The following ATF7IP2 variants were observed in gnomAD, a reference collection of about 807,000 sequenced individuals.
ATF7IP2 encodes the protein activating transcription factor 7 interacting protein 2, also known as activating transcription factor 7-interacting protein 2.
ATF7IP2 carries 42 observed loss-of-function variants against 64.2 expected under a neutral mutation model. The observed-to-expected ratio is 0.65, with a 90% CI of 0.51 to 0.85. The LOEUF (loss-of-function observed/expected upper bound fraction) is 0.85. ATF7IP2 is among the 40% of genes least tolerant of loss of function. The pLI is 0.00. For missense variants in ATF7IP2, 933 were observed against 784.2 expected, an observed-to-expected ratio of 1.19 and a Z score of -2.27; for synonymous variants, 308 against 272.8, an observed-to-expected ratio of 1.13 and a Z score of -1.27.
At chr16:10,389,009 C>CAAA (rs777578652) in intron 1 of ATF7IP2, among the ~76,000 whole-genome samples, 2 of 118,562 alleles carry the variant, frequency 1.7e-5, no homozygotes, top group African/African-American at 6.2e-5. Context: ...AAGACTGTCT[C>CAAA]AAAAAAAAAA....
chr16:10,426,484 AC>A (rs1279456345), intron 3 of ATF7IP2, among the ~76,000 whole-genome samples: 4 of 152,218 alleles, frequency 2.6e-5, no homozygotes, highest in African/African-American at 9.7e-5. Flanking sequence ...CGGAAGTTTA[AC>A]CAGTTATGAA....
chr16:10,394,199 G>A (rs1244144964), intron 1 of ATF7IP2, among the ~76,000 whole-genome samples: 1 of 152,126 alleles, frequency 6.6e-6, no homozygotes, highest in Non-Finnish European at 1.5e-5. Flanking sequence ...AAGGATAGAT[G>A]AAGATACAAC....
rs143570957 is a variant in ATF7IP2, at chr16:10,460,257, G to C, written c.1352+2728G>C. 4.1e-3 allele frequency among the ~76,000 whole-genome samples: 619 copies of C among 152,194 alleles called. 3 individuals are homozygous for C. The highest frequency in any genetic ancestry group is 0.014 in the African/African-American group (590 of 41,546). ...ACAATAGCTGAAGAAAATGTAAAAC[G>C]TTAGATATTAAAGAAAAATCAATTA... On this transcript the variant is annotated intron_variant, in intron 9 of 13. Coordinates refer to ENST00000562102, the MANE Select transcript of ATF7IP2 (RefSeq NM_001393719.1).
chr16:10,438,239 A>G lies in ATF7IP2; in HGVS notation c.1095+4A>G. The G allele has an allele frequency of 6.3e-7, 1 of 1,593,842 alleles. No homozygotes were observed. The highest frequency in any genetic ancestry group is 1.4e-5 in the African/African-American group (1 of 73,614). ...AGGAATAGCTGATAAACTTTTGGTA[A>G]GTTTTGATTTCATTTGAGTCTTTTT... On this transcript the variant is annotated splice_donor_region_variant and intron_variant, in intron 7 of 13. Coordinates refer to ENST00000562102, the MANE Select transcript of ATF7IP2 (RefSeq NM_001393719.1).
intron 1 of ATF7IP2, among the ~76,000 whole-genome samples, chr16:10,408,361 TG>T (rs2141800932): frequency 6.6e-6 from 1 of 152,342 alleles, no homozygotes; most frequent in African/African-American, 2.4e-5. Flanking sequence ...TACCCAATAG[TG>T]GGATTGCCGG....
intron 5 of ATF7IP2, among the ~76,000 whole-genome samples, chr16:10,432,059 G>A (rs1006286386): frequency 3.5e-5 from 5 of 144,388 alleles, no homozygotes; most frequent in Non-Finnish European, 6.0e-5. Flanking sequence ...TGCTGGTCTC[G>A]AACTCCTGAC....
chr16:10,474,155 T>G (rs894261698), intron 12 of ATF7IP2, among the ~76,000 whole-genome samples, 166 bp downstream of exon 12: 13 of 152,204 alleles, frequency 8.5e-5, no homozygotes. Context: ...GCCGTCACAG[T>G]GACAAAGCTC....
At chr16:10,394,537 A>G (rs547792396) in intron 1 of ATF7IP2, among the ~76,000 whole-genome samples, 10 of 152,324 alleles carry the variant, frequency 6.6e-5, no homozygotes, top group African/African-American at 2.2e-4. Context: ...CTTAAGAGAT[A>G]TCTTTGAACA....
chr16:10,390,621 A>G (rs1596411713), intron 1 of ATF7IP2, among the ~76,000 whole-genome samples: 1 of 152,276 alleles, frequency 6.6e-6, no homozygotes, highest in African/African-American at 2.4e-5. Flanking sequence ...CTGTCTCTAC[A>G]AAACAATGTT....
In ATF7IP2 at chr16:10,411,327, GTC is replaced by G. The variant is rs551368789; in HGVS notation, c.-241-3245_-241-3244del. 6.5e-3 allele frequency among the ~76,000 whole-genome samples: 960 copies of G among 148,754 alleles called. 5 individuals are homozygous for G. The highest frequency in any genetic ancestry group is 7.6e-3 in the Non-Finnish European group (514 of 67,520). On this transcript the variant is annotated intron_variant, in intron 1 of 13. Transcript: ENST00000562102. ...AATGCCTGGTACGATTCAGCTGTGAGTCTGTCTGGTACTGGGCCTTTTTGTTT... is the reference window on the plus strand; with the variant it reads ...AATGCCTGGTACGATTCAGCTGTGAGTGTCTGGTACTGGGCCTTTTTGTTT...
In ATF7IP2 at chr16:10,482,479, G is replaced by GT. The variant is rs2050273346; in HGVS notation, c.*232dup. On this transcript the variant is annotated 3_prime_UTR_variant, in exon 14 of 14. Coordinates refer to ENST00000562102, the MANE Select transcript of ATF7IP2 (RefSeq NM_001393719.1). ...AAAACATACGCTATCATTGGCCCAT[G>GT]TTGCTGAGGTGCATTGTGAACAATA... The GT allele has an allele frequency of 5.4e-6, 2 of 372,982 alleles. No homozygotes were observed. The highest frequency in any genetic ancestry group is 9.6e-6 in the Non-Finnish European group (2 of 208,044). The allele number at this position is 372,982 out of a possible 1,614,324, so 23.1% of individuals were successfully genotyped here.
chr16:10,391,479 G>A (rs1321658143), intron 1 of ATF7IP2, among the ~76,000 whole-genome samples: 1 of 152,180 alleles, frequency 6.6e-6, no homozygotes, highest in Non-Finnish European at 1.5e-5. Flanking sequence ...TGTATAATAG[G>A]AAGCTAGCAA....
chr16:10,406,088 C>CAA (rs71133349), intron 1 of ATF7IP2, among the ~76,000 whole-genome samples: 51 of 138,644 alleles, frequency 3.7e-4, no homozygotes, highest in East Asian at 8.3e-4. Context: ...GAATCTGTCT[C>CAA]AAAAAAAAAA....
chr16:10,391,073 G>A (rs1033141971), intron 1 of ATF7IP2, among the ~76,000 whole-genome samples: 2 of 151,672 alleles, frequency 1.3e-5, no homozygotes, highest in Admixed American at 6.6e-5. Flanking sequence ...TGGGAGAATT[G>A]CTGAGCCCAA....
At chr16:10,430,533 ATAAATAACTTTAATTCAGTAG>A in intron 4 of ATF7IP2, 57 bp from the exon 5 acceptor site, 1 of 793,898 alleles carries the variant, frequency 1.3e-6, no homozygotes, top group Non-Finnish European at 2.0e-6. Flanking sequence ...AATATTGTAA[ATAAATAACTTTAATTCAGTAG>A]TAAATAACTT....
chr16:10,459,794 A>G (rs1231739816), intron 9 of ATF7IP2, among the ~76,000 whole-genome samples: 1 of 152,182 alleles, frequency 6.6e-6, no homozygotes, highest in African/African-American at 2.4e-5. Flanking sequence ...AACTTCTTTA[A>G]TCTGACAAAA....
At chr16:10,451,475 T>C (rs568652975) in intron 8 of ATF7IP2, among the ~76,000 whole-genome samples, 2 of 152,162 alleles carry the variant, frequency 1.3e-5, no homozygotes, top group Non-Finnish European at 2.9e-5. Flanking sequence ...GTGTGGTCTT[T>C]TCACATAGTC....
chr16:10,471,434 A>G (rs574135242), intron 9 of ATF7IP2, among the ~76,000 whole-genome samples: 1 of 152,270 alleles, frequency 6.6e-6, no homozygotes, highest in East Asian at 1.9e-4. Flanking sequence ...AGGCTGAGGC[A>G]GGAGAATCGC....
intron 1 of ATF7IP2, among the ~76,000 whole-genome samples, chr16:10,397,308 G>A (rs974161079): frequency 6.6e-6 from 1 of 152,020 alleles, no homozygotes; most frequent in African/African-American, 2.4e-5. Context: ...TGGCTTTTTG[G>A]ACTCTTCTGT....
Sources: allele counts gnomAD v4.1 joint callset (sites outside exome capture counted in the v4.1 genomes callset), GRCh38; gene constraint gnomAD v4.1.1; transcripts MANE v1.5; gene names NCBI Gene and HGNC (gene_info 2026-07-23, HGNC 2026-07-21).